Variants in CABP5 observed in about 807,000 individuals in gnomAD.
The protein encoded by CABP5 is calcium-binding protein 5.
In CABP5, 17 loss-of-function variants were observed where a neutral mutation model predicts 21.9. That is an observed-to-expected ratio of 0.78 (90% confidence interval 0.53 to 1.17). CABP5 has a LOEUF of 1.17. CABP5 is among the 50% of genes most tolerant of loss of function. The pLI is 0.00. For missense variants in CABP5, 229 were observed against 228.9 expected, an observed-to-expected ratio of 1.00 and a Z score of 0.00; for synonymous variants, 85 against 79.4, an observed-to-expected ratio of 1.07 and a Z score of -0.37.
intron 4 of CABP5, among the ~76,000 whole-genome samples, chr19:48,037,009 C>T (rs1171864912): frequency 1.3e-5 from 2 of 152,102 alleles, no homozygotes; most frequent in Non-Finnish European, 2.9e-5. Context: ...GAAATTAGCA[C>T]AGCTATTATG....
In CABP5 at chr19:48,040,771, G is replaced by A. The variant is rs375239157; in HGVS notation, c.95-23C>T. On this transcript the variant is annotated intron_variant, in intron 2 of 5. Coordinates refer to ENST00000293255, the MANE Select transcript of CABP5 (RefSeq NM_019855.5). ...GCTCTGAAAGTTAAGAGAGAACTTTGGGGGAACTTGAAGCAGTCAGTGGGG... is the reference window on the plus strand; with the variant it reads ...GCTCTGAAAGTTAAGAGAGAACTTTAGGGGAACTTGAAGCAGTCAGTGGGG... 215 of 1,612,810 alleles carry A rather than the reference G, an allele frequency of 1.3e-4. 1 individual carries two copies. Among genetic ancestry groups the A allele is most frequent in the Non-Finnish European group, 1.6e-4 (190 of 1,179,174 alleles).
intron 1 of CABP5, among the ~76,000 whole-genome samples, chr19:48,043,316 A>G (rs1336408563): frequency 6.6e-6 from 1 of 151,494 alleles, no homozygotes; most frequent in Non-Finnish European, 1.5e-5. Context: ...CGACCCTGCC[A>G]CTTACTAACT....
chr19:48,036,725 C>G (rs1967412440), intron 4 of CABP5, among the ~76,000 whole-genome samples: 1 of 150,704 alleles, frequency 6.6e-6, no homozygotes, highest in South Asian at 2.1e-4. Flanking sequence ...CTAAAGAGGA[C>G]AAATGGGCAA....
chr19:48,030,461 G>T lies in CABP5; in HGVS notation c.*96C>A. 1.5e-6 allele frequency: 2 copies of T among 1,326,930 alleles called. No homozygotes were observed. The highest frequency in any genetic ancestry group is 2.1e-5 in the Admixed American group (1 of 47,928). The allele number at this position is 1,326,930 out of a possible 1,614,324, so 82.2% of individuals were successfully genotyped here. A position where few individuals can be genotyped will look rare whatever the true frequency, so the allele number is the denominator to read the frequency against. ...TCCCTCCCGCCTGCCCTCCCTCTCT[G>T]CTTTAAGGGGATCTGGGGCTTTTGG... On this transcript the variant is annotated 3_prime_UTR_variant, in exon 6 of 6. Transcript: ENST00000293255.
intron 4 of CABP5, 76 bp downstream of exon 4, chr19:48,039,132 T>C: frequency 8.5e-7 from 1 of 1,170,198 alleles, no homozygotes. Flanking sequence ...GTGCTGTCCA[T>C]GGCATTGGCT....
intron 4 of CABP5, among the ~76,000 whole-genome samples, chr19:48,038,770 T>C (rs1967442585): frequency 6.6e-6 from 1 of 151,878 alleles, no homozygotes; most frequent in Non-Finnish European, 1.5e-5. Flanking sequence ...GAGGTTGTAG[T>C]GAGCCGAGAT....
At position 48,030,507 on chromosome 19, in the gene CABP5, C is replaced by T. The variant is rs1467670367; in HGVS notation, c.*50G>A. On this transcript the variant is annotated 3_prime_UTR_variant, in exon 6 of 6. Coordinates refer to ENST00000293255, the MANE Select transcript of CABP5 (RefSeq NM_019855.5). Reference sequence around the variant, plus strand: ...TTTGGGCTTTGGTTCTCCACAAGCGCTTGCTCCATGTTGACCAGGTGGAGA... The same window carrying T: ...TTTGGGCTTTGGTTCTCCACAAGCGTTTGCTCCATGTTGACCAGGTGGAGA... 2 of 1,586,250 alleles carry T rather than the reference C, an allele frequency of 1.3e-6. No homozygotes were observed. Among genetic ancestry groups the T allele is most frequent in the Non-Finnish European group, 1.7e-6 (2 of 1,166,916 alleles).
At chr19:48,041,680 G>T in intron 1 of CABP5, 77 bp from the exon 2 acceptor site, 1 of 1,352,468 alleles carries the variant, frequency 7.4e-7, no homozygotes, top group Non-Finnish European at 1.0e-6. Context: ...GTTCTCCCAA[G>T]CTCCTCCCCA....
chr19:48,036,831 G>A (rs1385447833), intron 4 of CABP5, among the ~76,000 whole-genome samples: 2 of 151,964 alleles, frequency 1.3e-5, no homozygotes, highest in Admixed American at 6.6e-5. Context: ...AAACAAGTTC[G>A]TGAAAAAAAT....
intron 4 of CABP5, among the ~76,000 whole-genome samples, chr19:48,036,316 T>C (rs1318211478): frequency 6.6e-6 from 1 of 152,216 alleles, no homozygotes; most frequent in African/African-American, 2.4e-5. Flanking sequence ...CTGGCTTATT[T>C]CACCCAGCAT....
chr19:48,035,466 G>A (rs913704391), intron 4 of CABP5, among the ~76,000 whole-genome samples: 11 of 152,208 alleles, frequency 7.2e-5, no homozygotes, highest in Non-Finnish European at 7.3e-5. Flanking sequence ...GCGTGGTGGC[G>A]CATGCCTGTA....
intron 1 of CABP5, among the ~76,000 whole-genome samples, chr19:48,042,035 G>A (rs138244064): frequency 1.5e-4 from 23 of 152,150 alleles, no homozygotes; most frequent in African/African-American, 5.5e-4. Context: ...TCTACATCTC[G>A]TTTCCATCTT....
At position 48,044,058 on chromosome 19, in the gene CABP5, G is replaced by A. The variant is rs370011911; in HGVS notation, c.-136C>T. 3.8e-5 allele frequency: 26 copies of A among 686,670 alleles called. No homozygotes were observed. Among genetic ancestry groups the A allele is most frequent in the African/African-American group, 3.6e-4 (19 of 52,586 alleles). The allele number at this position is 686,670 out of a possible 1,614,324, so 42.5% of individuals were successfully genotyped here. A position where few individuals can be genotyped will look rare whatever the true frequency, so the allele number is the denominator to read the frequency against. On this transcript the variant is annotated 5_prime_UTR_variant, in exon 1 of 6. Transcript: ENST00000293255. ...TCCTGCCTCTCTTGGCTTCTCCTTC[G>A]GTCCCGGTGTCTTAGAGCTGTGACA...
At chr19:48,041,270 G>A (rs1967478807) in intron 2 of CABP5, 2 of 448,898 alleles carry the variant, frequency 4.5e-6, no homozygotes, top group East Asian at 4.6e-5. Context: ...CTAAATGAGA[G>A]CACTGGCGTC....
chr19:48,043,996 G>T lies in CABP5; in HGVS notation c.-74C>A. 1 of 1,328,752 alleles carries T rather than the reference G, an allele frequency of 7.5e-7. No individual in the cohort carries two copies. Among genetic ancestry groups the T allele is most frequent in the Non-Finnish European group, 1.0e-6 (1 of 979,954 alleles). The allele number at this position is 1,328,752 out of a possible 1,614,324, so 82.3% of individuals were successfully genotyped here. The stretch of plus-strand genomic sequence containing the variant: ...CCTCCCTGCTCCCTGTCGGAGCTCA[G>T]CCTCCTTATCTTCTCCAGCACTCCT... On this transcript the variant is annotated 5_prime_UTR_variant, in exon 1 of 6. The change creates a new upstream start codon in the 5' untranslated region. Transcript: ENST00000293255.
At position 48,030,457 on chromosome 19, in the gene CABP5, C is replaced by T; in HGVS notation, c.*100G>A. 3.1e-6 allele frequency: 4 copies of T among 1,272,902 alleles called. No individual in the cohort carries two copies. Among genetic ancestry groups the T allele is most frequent in the Non-Finnish European group, 3.3e-6 (3 of 899,782 alleles). 78.9% of individuals were successfully genotyped at this position (1,272,902 alleles called of 1,614,324 possible). On this transcript the variant is annotated 3_prime_UTR_variant, in exon 6 of 6. Transcript: ENST00000293255. ...GCCCTCCCTCCCGCCTGCCCTCCCT[C>T]TCTGCTTTAAGGGGATCTGGGGCTT...
At chr19:48,036,918 T>C (rs574682498) in intron 4 of CABP5, among the ~76,000 whole-genome samples, 1 of 152,334 alleles carries the variant, frequency 6.6e-6, no homozygotes, top group South Asian at 2.1e-4. Context: ...TTAGGATGGC[T>C]ACTGTTAAAA....
At position 48,029,798 on chromosome 19, in the gene CABP5, C is replaced by CAGAGAGAGAGAGAGAGAGAGAGAGAG. The variant is rs72005770; in HGVS notation, c.*733_*758dup. ...GGGAGGGGAGACAGAGACAGACAGA[C>CAGAGAGAGAGAGAGAGAGAGAGAGAG]AGAGAGAGAGAGAGAGAGAGAGAGA... On this transcript the variant is annotated 3_prime_UTR_variant, in exon 6 of 6. Transcript: ENST00000293255. Among the ~76,000 whole-genome samples, 145 of 120,224 alleles carry CAGAGAGAGAGAGAGAGAGAGAGAGAG rather than the reference C, an allele frequency of 1.2e-3. 5 individuals carry two copies. The highest frequency in any genetic ancestry group is 1.9e-3 in the Non-Finnish European group (113 of 57,956). 78.9% of individuals were successfully genotyped at this position (120,224 alleles called of 152,430 possible). A position where few individuals can be genotyped will look rare whatever the true frequency, so the allele number is the denominator to read the frequency against.
At chr19:48,033,524 G>T (rs35040936) in intron 5 of CABP5, among the ~76,000 whole-genome samples, 45,834 of 151,934 alleles carry the variant, frequency 0.3, 7,813 homozygotes, top group Non-Finnish European at 0.38. Flanking sequence ...GAAGCAAGCG[G>T]GAGGTATTAC....
Sources: gnomAD v4.1 joint callset for allele counts (sites outside exome capture counted in the v4.1 genomes callset) on GRCh38, gnomAD v4.1.1 for gene constraint, MANE v1.5 for transcripts, NCBI Gene and HGNC (gene_info 2026-07-23, HGNC 2026-07-21) for gene names.